Variants in IFIT2 observed in about 807,000 individuals in gnomAD.
IFIT2 encodes interferon-induced protein with tetratricopeptide repeats 2.
Under a neutral mutation model 2.5 loss-of-function variants are expected in IFIT2, and 3 were observed. The observed-to-expected ratio is 1.21, with a 90% confidence interval of 0.55 to 3.14. IFIT2 has a LOEUF of 3.14. Ranked by LOEUF, IFIT2 falls within the 30% of genes most tolerant of loss-of-function variation. The probability of loss-of-function intolerance (pLI) is 0.03; values close to 1 mark genes in which losing one functional copy is unlikely to be tolerated. For missense variants in IFIT2, 493 were observed against 558.9 expected (o/e 0.88, Z 1.19); for synonymous variants, 212 against 200.7 (o/e 1.06, Z -0.48).
At position 89,309,059 on chromosome 10, in the gene IFIT2, A is replaced by T. The variant is rs1023536267; in HGVS notation, c.*1684A>T. 1 of 152,222 alleles carries T rather than the reference A, an allele frequency of 6.6e-6. No homozygotes were observed. The highest frequency in any genetic ancestry group is 1.5e-5 in the Non-Finnish European group (1 of 68,036). The allele number at this position is 152,222 out of a possible 1,614,324, so 9.4% of individuals were successfully genotyped here. ...GGTCTACTATCATAATCACCTGAACAGAACAAAACTTTTTCCTCAGCTTTA... is the reference window on the plus strand; with the variant it reads ...GGTCTACTATCATAATCACCTGAACTGAACAAAACTTTTTCCTCAGCTTTA... On this transcript the variant is annotated 3_prime_UTR_variant, in exon 2 of 2. Coordinates refer to ENST00000371826, the MANE Select transcript of IFIT2 (RefSeq NM_001547.5).
chr10:89,304,129 TAAAC>T (rs1194336268), intron 1 of IFIT2, among the ~76,000 whole-genome samples: 11 of 152,210 alleles, frequency 7.2e-5, no homozygotes, highest in South Asian at 2.1e-4. Context: ...CCAGGCAGAA[TAAAC>T]AAACAAACAA....
Position 89,308,351 on chromosome 10 carries a change from T to C in IFIT2, c.*976T>C, listed in dbSNP as rs1843496441. 1 of 152,112 alleles carries C rather than the reference T, an allele frequency of 6.6e-6. No individual in the cohort carries two copies. Among genetic ancestry groups the C allele is most frequent in the African/African-American group, 2.4e-5 (1 of 41,430 alleles). 9.4% of individuals were successfully genotyped at this position (152,112 alleles called of 1,614,324 possible). On this transcript the variant is annotated 3_prime_UTR_variant, in exon 2 of 2. Coordinates refer to ENST00000371826, the MANE Select transcript of IFIT2 (RefSeq NM_001547.5). ...TTTTTGTAAAATGAAGACTGAACTCTGTTCAAATGCTTTCATGAACCTGGT... is the reference window on the plus strand; with the variant it reads ...TTTTTGTAAAATGAAGACTGAACTCCGTTCAAATGCTTTCATGAACCTGGT...
At position 89,307,651 on chromosome 10, in the gene IFIT2, A is replaced by G. The variant is rs1843491316; in HGVS notation, c.*276A>G. On this transcript the variant is annotated 3_prime_UTR_variant, in exon 2 of 2. Coordinates refer to ENST00000371826, the MANE Select transcript of IFIT2 (RefSeq NM_001547.5). ...TCTTGAGTGCAATTTGAACTGTAAC[A>G]TTTGCTTAGTCACCTTTAGTGGAGT... The G allele has an allele frequency of 6.2e-6, 2 of 320,804 alleles. No homozygotes were observed. Among genetic ancestry groups the G allele is most frequent in the Admixed American group, 4.5e-5 (1 of 22,420 alleles). 19.9% of individuals were successfully genotyped at this position (320,804 alleles called of 1,614,324 possible). A position where few individuals can be genotyped will look rare whatever the true frequency, so the allele number is the denominator to read the frequency against.
chr10:89,307,153 A>T lies in IFIT2; in HGVS notation c.1197A>T (p.Val399=). ...CCATCCACCACTTTATAGAGGGTGT[A>T]AAAATAAACCAGAAATCAAGGGAGA... The part of the protein sequence containing the change: ...DKAIHHFIEG[V]KINQKSREKE... The change falls in exon 2 of 2, where the codon GTA becomes GTT. Residue 399 remains valine, a synonymous_variant. Coordinates refer to ENST00000371826, the MANE Select transcript of IFIT2 (RefSeq NM_001547.5). The T allele has an allele frequency of 6.2e-7, 1 of 1,614,086 alleles. No individual in the cohort carries two copies. Among genetic ancestry groups the T allele is most frequent in the Non-Finnish European group, 8.5e-7 (1 of 1,179,936 alleles).
At chr10:89,302,847 G>A (rs908789728) in intron 1 of IFIT2, among the ~76,000 whole-genome samples, 29 of 152,110 alleles carry the variant, frequency 1.9e-4, no homozygotes, top group African/African-American at 6.3e-4. Context: ...TGGGGTGGCC[G>A]GACCTGGTTG....
rs1270667455 is a variant in IFIT2, at chr10:89,306,118, C to G, written c.162C>G (p.Cys54Trp). 6.2e-7 allele frequency: 1 copy of G among 1,614,000 alleles called. No individual in the cohort carries two copies. Among genetic ancestry groups the G allele is most frequent in the Non-Finnish European group, 8.5e-7 (1 of 1,179,994 alleles). ...FQNREFKATMCNLLAYLKHLK... is the reference protein window; with the variant it reads ...FQNREFKATMWNLLAYLKHLK... ...ATCGTGAATTCAAAGCCACAATGTG[C>G]AACCTACTGGCCTATCTAAAGCACC... The change falls in exon 2 of 2, where the codon TGC (cysteine) becomes TGG (tryptophan). Residue 54 changes from cysteine (C) to tryptophan (W), a missense_variant. By Grantham distance (215) the Cys-to-Trp change is radical. Transcript: ENST00000371826.
Position 89,306,937 on chromosome 10 carries a change from T to A in IFIT2, c.981T>A (p.Asp327Glu). Residue 327 changes from aspartate to glutamate, a missense_variant, in exon 2 of 2, where the codon GAT becomes GAA. Asp to Glu is a conservative substitution (Grantham distance 45). Transcript: ENST00000371826. ...GHAVAHLKKA[D>E]EANDNLFRVC... ...CTGTGGCTCATCTGAAGAAAGCTGA[T>A]GAGGCCAATGATAATCTCTTCCGTG... 7 of 1,614,030 alleles carry A rather than the reference T, an allele frequency of 4.3e-6. No homozygotes were observed. Among genetic ancestry groups the A allele is most frequent in the Non-Finnish European group, 5.9e-6 (7 of 1,179,970 alleles).
At position 89,302,069 on chromosome 10, in the gene IFIT2, G is replaced by C; in HGVS notation, c.-55G>C. The C allele has an allele frequency of 6.2e-7, 1 of 1,609,496 alleles. No homozygotes were observed. Among genetic ancestry groups the C allele is most frequent in the African/African-American group, 1.3e-5 (1 of 74,940 alleles). ...GTGGCAGAAGAGGAAGATTTCTGAA[G>C]AGTGCAGCTGCCTGAACCGAGCCCT... On this transcript the variant is annotated 5_prime_UTR_variant, in exon 1 of 2. Coordinates refer to ENST00000371826, the MANE Select transcript of IFIT2 (RefSeq NM_001547.5).
Position 89,306,604 on chromosome 10 carries a change from T to A in IFIT2, c.648T>A (p.Ala216=). 6.2e-7 allele frequency: 1 copy of A among 1,614,088 alleles called. No homozygotes were observed. The highest frequency in any genetic ancestry group is 8.5e-7 in the Non-Finnish European group (1 of 1,179,972). Residue 216 remains alanine, a synonymous_variant, in exon 2 of 2, where the codon GCT becomes GCA. Transcript: ENST00000371826. ...ACCAGTACCTTAAAGTCCTCCTGGC[T>A]CTGAAGCTTCATAAGATGCGTGAAG... ...PDNQYLKVLL[A]LKLHKMREEG...
Position 89,307,033 on chromosome 10 carries a change from G to C in IFIT2, c.1077G>C (p.Lys359Asn), listed in dbSNP as rs201873020. The change falls in exon 2 of 2, where the codon AAG (lysine) becomes AAC (asparagine). Residue 359 changes from lysine to asparagine, a missense_variant. By Grantham distance (94) the Lys-to-Asn change is moderately conservative. Transcript: ENST00000371826. Reference protein sequence around the residue: ...QYEDAEYYFQKEFSKELTPVA... With the variant: ...QYEDAEYYFQNEFSKELTPVA... ...AAGACGCAGAGTATTACTTCCAAAA[G>C]GAATTCAGTAAAGAGCTTACTCCTG... The C allele has an allele frequency of 6.2e-7, 1 of 1,613,902 alleles. No individual in the cohort carries two copies. Among genetic ancestry groups the C allele is most frequent in the East Asian group, 2.2e-5 (1 of 44,854 alleles).
chr10:89,309,053 C>G lies in IFIT2; in HGVS notation c.*1678C>G, dbSNP rs991561260. 10 of 152,194 alleles carry G rather than the reference C, an allele frequency of 6.6e-5. No homozygotes were observed. Among genetic ancestry groups the G allele is most frequent in the Non-Finnish European group, 1.3e-4 (9 of 68,040 alleles). The allele number at this position is 152,194 out of a possible 1,614,324, so 9.4% of individuals were successfully genotyped here. On this transcript the variant is annotated 3_prime_UTR_variant, in exon 2 of 2. Coordinates refer to ENST00000371826, the MANE Select transcript of IFIT2 (RefSeq NM_001547.5). Reference sequence around the variant, plus strand: ...TCGACTGGTCTACTATCATAATCACCTGAACAGAACAAAACTTTTTCCTCA... The same window carrying G: ...TCGACTGGTCTACTATCATAATCACGTGAACAGAACAAAACTTTTTCCTCA...
At chr10:89,302,404 A>G (rs950859362) in intron 1 of IFIT2, among the ~76,000 whole-genome samples, 4 of 152,200 alleles carry the variant, frequency 2.6e-5, no homozygotes, top group Non-Finnish European at 5.9e-5. Flanking sequence ...AAGGCAGCAG[A>G]GAGGGATGAT....
chr10:89,308,166 T>C lies in IFIT2; in HGVS notation c.*791T>C, dbSNP rs1843494986. 1 of 152,204 alleles carries C rather than the reference T, an allele frequency of 6.6e-6. No individual in the cohort carries two copies. The allele number at this position is 152,204 out of a possible 1,614,324, so 9.4% of individuals were successfully genotyped here. On this transcript the variant is annotated 3_prime_UTR_variant, in exon 2 of 2. Coordinates refer to ENST00000371826, the MANE Select transcript of IFIT2 (RefSeq NM_001547.5). The stretch of plus-strand genomic sequence containing the variant: ...CAATACACTAGAAACCAACATAATG[T>C]ATTTCTTTAAAACCTGTGTGAAAAA...
At position 89,305,170 on chromosome 10, in the gene IFIT2, G is replaced by C. The variant is rs187628811; in HGVS notation, c.6-792G>C. On this transcript the variant is annotated intron_variant, in intron 1 of 1. Transcript: ENST00000371826. ...GACATTGCTAACATAAATAATACTT[G>C]AAATTAAATGAGAGAATAATACAAA... Among the ~76,000 whole-genome samples, 15 of 151,750 alleles carry C rather than the reference G, an allele frequency of 9.9e-5. No individual in the cohort carries two copies. The East Asian group carries it at 2.9e-3, about 29-fold the overall frequency.
chr10:89,304,476 A>G (rs956898396), intron 1 of IFIT2, among the ~76,000 whole-genome samples: 1 of 152,222 alleles, frequency 6.6e-6, no homozygotes, highest in Non-Finnish European at 1.5e-5. Flanking sequence ...TCTTCTATCT[A>G]GACATATGTT....
rs1843497380 is a variant in IFIT2, at chr10:89,308,475, C to G, written c.*1100C>G. 1 of 152,128 alleles carries G rather than the reference C, an allele frequency of 6.6e-6. No homozygotes were observed. Among genetic ancestry groups the G allele is most frequent in the Non-Finnish European group, 1.5e-5 (1 of 68,010 alleles). 9.4% of individuals were successfully genotyped at this position (152,128 alleles called of 1,614,324 possible). On this transcript the variant is annotated 3_prime_UTR_variant, in exon 2 of 2. Transcript: ENST00000371826. The stretch of plus-strand genomic sequence containing the variant: ...CATTGATAATAGATGGTGGGGTTTT[C>G]CCCCCTTTAGAAATGTTGGATATTA...
Position 89,306,003 on chromosome 10 carries a change from T to C in IFIT2, c.47T>C (p.Leu16Pro). 1 of 1,613,958 alleles carries C rather than the reference T, an allele frequency of 6.2e-7. No homozygotes were observed. The highest frequency in any genetic ancestry group is 8.5e-7 in the Non-Finnish European group (1 of 1,179,868). The change falls in exon 2 of 2, where the codon CTA (leucine) becomes CCA (proline). Residue 16 changes from leucine (L) to proline (P), a missense_variant. Coordinates refer to ENST00000371826, the MANE Select transcript of IFIT2 (RefSeq NM_001547.5). ...KNSLESSLRQ[L>P]KCHFTWNLME... Reference sequence around the variant, plus strand: ...TCCTTGGAGAGCAGCCTACGGCAACTAAAATGCCATTTCACCTGGAACTTG... The same window carrying C: ...TCCTTGGAGAGCAGCCTACGGCAACCAAAATGCCATTTCACCTGGAACTTG...
chr10:89,304,766 GTTGTT>G (rs375901105), intron 1 of IFIT2, among the ~76,000 whole-genome samples: 21 of 151,760 alleles, frequency 1.4e-4, no homozygotes, highest in Admixed American at 1.0e-3. Flanking sequence ...TTTTTTTGTT[GTTGTT>G]TTGTTTTGTT....
intron 1 of IFIT2, among the ~76,000 whole-genome samples, chr10:89,305,425 G>A (rs1843472055): frequency 1.3e-5 from 2 of 152,024 alleles, no homozygotes; most frequent in Admixed American, 1.3e-4. Context: ...TTCTTTAAAG[G>A]CAAATGAAGG....
Sources: gnomAD v4.1 joint callset for allele counts (sites outside exome capture counted in the v4.1 genomes callset) on GRCh38, gnomAD v4.1.1 for gene constraint, MANE v1.5 for transcripts, NCBI Gene and HGNC (gene_info 2026-07-23, HGNC 2026-07-21) for gene names.